Variants in WDR49 observed in about 807,000 individuals in gnomAD.
The protein encoded by WDR49 is WD repeat domain 49.
In WDR49, 107 loss-of-function variants were observed where a neutral mutation model predicts 119.5. That is an observed-to-expected ratio of 0.90 (90% CI 0.77 to 1.05). The LOEUF (loss-of-function observed/expected upper bound fraction) is 1.05. Ranked by LOEUF, WDR49 falls within the 50% of genes least tolerant of loss-of-function variation. The pLI, the probability that WDR49 is intolerant of heterozygous loss-of-function variation, is 0.00. For synonymous variants in WDR49, 425 were observed against 418.8 expected, an observed-to-expected ratio of 1.01 and a Z score of -0.18; for missense variants, 1,240 against 1,220.5, an observed-to-expected ratio of 1.02 and a Z score of -0.24.
chr3:167,634,824 G>A lies in WDR49; in HGVS notation c.166-7532C>T, dbSNP rs561432593. 4.0e-5 allele frequency among the ~76,000 whole-genome samples: 6 copies of A among 151,188 alleles called. No homozygotes were observed. In the East Asian group the frequency reaches 1.2e-3, roughly 30 times the overall value. ...ATCCATGCTTATTATAGAAAATGAA[G>A]ATAAGTTAAAAATTAAAATCATTTA... On this transcript the variant is annotated intron_variant, in intron 2 of 18. Coordinates refer to ENST00000682715, the MANE Select transcript of WDR49 (RefSeq NM_001366157.1).
At chr3:167,546,691 C>T (rs1307552292) in intron 10 of WDR49, among the ~76,000 whole-genome samples, 1 of 91,068 alleles carries the variant, frequency 1.1e-5, no homozygotes, top group Non-Finnish European at 2.4e-5. Flanking sequence ...CTGTCAAGTG[C>T]AAAAAAAAAA....
chr3:167,535,450 A>T (rs902901362), intron 11 of WDR49, among the ~76,000 whole-genome samples: 6 of 152,206 alleles, frequency 3.9e-5, no homozygotes, highest in Admixed American at 2.6e-4. Flanking sequence ...AACATTTCTC[A>T]AAAGAAGACA....
Position 167,546,325 on chromosome 3 carries a change from A to G in WDR49, c.1823+8325T>C, listed in dbSNP as rs1712200130. ...CTAGTTAGCTACCACTTTCCCCTCA[A>G]AACCTAACCTGAAACTTTCATTTGA... On this transcript the variant is annotated intron_variant, in intron 10 of 18. Transcript: ENST00000682715. Among the ~76,000 whole-genome samples the G allele has an allele frequency of 4.6e-5, 7 of 151,960 alleles. No individual in the cohort carries two copies. In the Admixed American group the frequency reaches 4.6e-4, roughly 10 times the overall value.
intron 8 of WDR49, among the ~76,000 whole-genome samples, chr3:167,563,718 A>G (rs1305552407): frequency 6.6e-6 from 1 of 152,250 alleles, no homozygotes; most frequent in Non-Finnish European, 1.5e-5. Flanking sequence ...TAGCATATCC[A>G]TCACCTTAAA....
chr3:167,530,610 G>A (rs1303513238), intron 13 of WDR49, among the ~76,000 whole-genome samples: 2 of 151,766 alleles, frequency 1.3e-5, no homozygotes, highest in Non-Finnish European at 2.9e-5. Context: ...AAGAGAGCAG[G>A]CAGCTCTTGT....
In WDR49 at chr3:167,554,766, T is replaced by C. The variant is rs772013962; in HGVS notation, c.1707A>G (p.Thr569=). The change falls in exon 10 of 19, where the codon ACA becomes ACG. Residue 569 remains threonine, a synonymous_variant. Coordinates refer to ENST00000682715, the MANE Select transcript of WDR49 (RefSeq NM_001366157.1). ...CAGCTCCATCTTGCCCAACATTTAGTGTATGGTGACAATATCCATTGAAGT... is the reference window on the plus strand; with the variant it reads ...CAGCTCCATCTTGCCCAACATTTAGCGTATGGTGACAATATCCATTGAAGT... ...IWDFNGYCHH[T]LNVGQDGAVD... 7.4e-6 allele frequency: 12 copies of C among 1,612,390 alleles called. No individual in the cohort carries two copies. The Admixed American group carries it at 1.8e-4, about 25-fold the overall frequency.
At chr3:167,589,860 A>G (rs1010550855) in intron 7 of WDR49, among the ~76,000 whole-genome samples, 2 of 152,068 alleles carry the variant, frequency 1.3e-5, no homozygotes, top group South Asian at 4.1e-4. Context: ...TTATCTGCAA[A>G]TAAGGATAAT....
chr3:167,614,126 G>A (rs894731687), intron 5 of WDR49, among the ~76,000 whole-genome samples: 2 of 151,794 alleles, frequency 1.3e-5, no homozygotes, highest in African/African-American at 2.4e-5. Flanking sequence ...ATGGAGTCTC[G>A]CTCTCTCGCC....
At chr3:167,625,990 C>A (rs762635564) in intron 3 of WDR49, among the ~76,000 whole-genome samples, 1 of 150,978 alleles carries the variant, frequency 6.6e-6, no homozygotes, top group Non-Finnish European at 1.5e-5. Flanking sequence ...TAACCATTCA[C>A]GATGTTTGGA....
intron 16 of WDR49, among the ~76,000 whole-genome samples, chr3:167,509,997 C>G (rs2108218616): frequency 6.6e-6 from 1 of 152,282 alleles, no homozygotes; most frequent in South Asian, 2.1e-4. Flanking sequence ...AAAGCAAGGT[C>G]TTAAAAGTGA....
At chr3:167,656,008 C>T (rs1019649601), upstream of WDR49, among the ~76,000 whole-genome samples, 3 of 152,210 alleles carry the variant, frequency 2.0e-5, 1 homozygote, top group Non-Finnish European at 4.4e-5. Context: ...CTAGTCAGGG[C>T]AATTATCCGT....
chr3:167,486,744 C>A (rs116748169), intron 18 of WDR49, among the ~76,000 whole-genome samples: 2,334 of 151,940 alleles, frequency 0.015, 60 homozygotes, highest in African/African-American at 0.054. Context: ...AAGTTCTTGG[C>A]CTATGAAAAA....
chr3:167,546,443 G>T (rs750278678), intron 10 of WDR49, among the ~76,000 whole-genome samples: 18 of 151,606 alleles, frequency 1.2e-4, no homozygotes, highest in Non-Finnish European at 2.4e-4. Context: ...TTATACTTTT[G>T]CCAAGTAAAA....
At chr3:167,644,635 T>G (rs988757436) in intron 2 of WDR49, among the ~76,000 whole-genome samples, 2 of 152,164 alleles carry the variant, frequency 1.3e-5, no homozygotes, top group Non-Finnish European at 2.9e-5. Context: ...TACAATCATA[T>G]TTTTGCATGT....
At chr3:167,633,708 T>C (rs938414799) in intron 2 of WDR49, among the ~76,000 whole-genome samples, 6 of 152,038 alleles carry the variant, frequency 3.9e-5, no homozygotes, top group Non-Finnish European at 8.8e-5. Context: ...TACATACATA[T>C]ACATACATAG....
intron 7 of WDR49, among the ~76,000 whole-genome samples, chr3:167,588,295 A>C (rs1714920665): frequency 6.6e-6 from 1 of 152,154 alleles, no homozygotes; most frequent in South Asian, 2.1e-4. Flanking sequence ...ACTCTTTTTT[A>C]TGACTGAGTA....
At chr3:167,584,202 C>G (rs1714693842) in intron 7 of WDR49, among the ~76,000 whole-genome samples, 2 of 151,956 alleles carry the variant, frequency 1.3e-5, no homozygotes, top group African/African-American at 4.8e-5. Flanking sequence ...TAGAAACAAC[C>G]TCAAGAAAGT....
chr3:167,581,486 T>C (rs1251902021), intron 7 of WDR49, among the ~76,000 whole-genome samples: 1 of 152,122 alleles, frequency 6.6e-6, no homozygotes, highest in Non-Finnish European at 1.5e-5. Context: ...TATTCTAAAA[T>C]AACAATATTT....
At chr3:167,573,429 C>CAA (rs762036844) in intron 8 of WDR49, among the ~76,000 whole-genome samples, 2 of 145,488 alleles carry the variant, frequency 1.4e-5, no homozygotes, top group Non-Finnish European at 1.5e-5. Flanking sequence ...CACACACACA[C>CAA]AACACAAATA....
Sources: gnomAD v4.1 joint callset for allele counts (sites outside exome capture counted in the v4.1 genomes callset) on GRCh38, gnomAD v4.1.1 for gene constraint, MANE v1.5 for transcripts, NCBI Gene and HGNC (gene_info 2026-07-23, HGNC 2026-07-21) for gene names.